Variants in ACSBG2 observed in about 807,000 individuals in gnomAD.
ACSBG2 encodes the protein acyl-CoA synthetase bubblegum family member 2.
In ACSBG2, 62 loss-of-function variants were observed where a neutral mutation model predicts 74.7. The ratio of observed to expected loss-of-function variants is 0.83; its 90% CI spans 0.68 to 1.03. The LOEUF (loss-of-function observed/expected upper bound fraction) is 1.03. Ranked by LOEUF, ACSBG2 falls within the 50% of genes least tolerant of loss-of-function variation. The pLI, the probability that ACSBG2 is intolerant of heterozygous loss-of-function variation, is 0.00. For synonymous variants in ACSBG2, 309 were observed against 294.1 expected (o/e 1.05, Z -0.52); for missense variants, 730 against 817.6 (o/e 0.89, Z 1.31).
chr19:6,155,475 T>C (rs1224839144), intron 4 of ACSBG2, among the ~76,000 whole-genome samples: 1 of 152,116 alleles, frequency 6.6e-6, no homozygotes, highest in Non-Finnish European at 1.5e-5. Context: ...TAAAAACTTC[T>C]GCTTATTAAA....
intron 8 of ACSBG2, among the ~76,000 whole-genome samples, chr19:6,178,851 A>G (rs2090162715): frequency 6.6e-6 from 1 of 152,216 alleles, no homozygotes; most frequent in African/African-American, 2.4e-5. Flanking sequence ...GGCTGGGGGA[A>G]AAAACAAGAA....
Position 6,151,777 on chromosome 19 carries a change from T to G in ACSBG2, c.368T>G (p.Val123Gly). 1 of 1,597,946 alleles carries G rather than the reference T, an allele frequency of 6.3e-7. No homozygotes were observed. Among genetic ancestry groups the G allele is most frequent in the Non-Finnish European group, 8.5e-7 (1 of 1,172,004 alleles). The change falls in exon 4 of 15, where the codon GTT becomes GGT. Residue 123 changes from valine (V) to glycine (G), a missense_variant. By Grantham distance (109) the Val-to-Gly change is moderately radical. Coordinates refer to ENST00000588485, the MANE Select transcript of ACSBG2 (RefSeq NM_030924.5). Reference sequence around the variant, plus strand: ...TCTGCAGAGTGGTTTATCACTGCTGTTGGTGCCATCCTAGCCGGGTAAGGT... The same window carrying G: ...TCTGCAGAGTGGTTTATCACTGCTGGTGGTGCCATCCTAGCCGGGTAAGGT... Reference protein sequence around the residue: ...FNSAEWFITAVGAILAGGLCV... With the variant: ...FNSAEWFITAGGAILAGGLCV...
chr19:6,166,355 C>T (rs889938234), intron 7 of ACSBG2, among the ~76,000 whole-genome samples: 5 of 142,646 alleles, frequency 3.5e-5, no homozygotes, highest in Non-Finnish European at 5.9e-5. Context: ...CTCCCTCTGT[C>T]GCCCAGGCTG....
chr19:6,156,821 G>T (rs55718357), intron 5 of ACSBG2, among the ~76,000 whole-genome samples: 3,894 of 144,640 alleles, frequency 0.027, 169 homozygotes, highest in African/African-American at 0.095. Flanking sequence ...GTCTCACTCT[G>T]TCCCCAGGCT....
chr19:6,190,419 T>C, intron 13 of ACSBG2, 165 bp from the exon 14 acceptor site: 1 of 590,592 alleles, frequency 1.7e-6, no homozygotes, highest in Non-Finnish European at 3.1e-6. Flanking sequence ...CATGGAAGTT[T>C]TATCATCCCC....
Position 6,168,830 on chromosome 19 carries a change from G to A in ACSBG2, c.738+2815G>A, listed in dbSNP as rs144898701. On this transcript the variant is annotated intron_variant, in intron 7 of 14. Coordinates refer to ENST00000588485, the MANE Select transcript of ACSBG2 (RefSeq NM_030924.5). ...GTCTTGCTCTGTCATCCAGGCTGGA[G>A]TACAGTGACACTATCGCGGCACACT... is the stretch of plus-strand genomic sequence containing the variant. 1.6e-3 allele frequency among the ~76,000 whole-genome samples: 236 copies of A among 152,140 alleles called. 2 individuals carry two copies. The highest frequency in any genetic ancestry group is 0.01 in the Middle Eastern group (3 of 294).
At chr19:6,190,471 C>T (rs569028540) in intron 13 of ACSBG2, 113 bp from the exon 14 acceptor site, 2 of 860,622 alleles carry the variant, frequency 2.3e-6, no homozygotes, top group Non-Finnish European at 3.9e-6. Flanking sequence ...GTCAATGGCA[C>T]AGCCAGCCAC....
At chr19:6,181,341 G>A (rs2090248475) in intron 8 of ACSBG2, among the ~76,000 whole-genome samples, 1 of 148,338 alleles carries the variant, frequency 6.7e-6, no homozygotes, top group Non-Finnish European at 1.5e-5. Context: ...AAAGAGGAAG[G>A]AAGGAAGGAA....
At chr19:6,139,907 T>C (rs551547469) in intron 1 of ACSBG2, among the ~76,000 whole-genome samples, 2 of 152,166 alleles carry the variant, frequency 1.3e-5, no homozygotes, top group South Asian at 4.2e-4. Flanking sequence ...GGAGAAACTC[T>C]GTCTCTACTA....
chr19:6,160,406 AAAG>A (rs1312044309), intron 5 of ACSBG2, among the ~76,000 whole-genome samples: 16 of 125,510 alleles, frequency 1.3e-4, no homozygotes, highest in African/African-American at 6.5e-4. Flanking sequence ...AAAAAAAAAG[AAAG>A]AAAGAAAAGA....
At chr19:6,141,460 C>G (rs10853992) in intron 1 of ACSBG2, 53 bp from the exon 2 acceptor site, 3 of 877,998 alleles carry the variant, frequency 3.4e-6, no homozygotes, top group East Asian at 4.9e-5. Flanking sequence ...TTGGCCTCAT[C>G]CCTACAGCCC....
At chr19:6,183,423 G>A (rs1409875259) in intron 10 of ACSBG2, 151 bp downstream of exon 10, 15 of 678,226 alleles carry the variant, frequency 2.2e-5, no homozygotes, top group African/African-American at 7.3e-5. Flanking sequence ...TCCTAACTCC[G>A]CATGACCGTG....
At chr19:6,162,839 T>C (rs956300484) in intron 6 of ACSBG2, among the ~76,000 whole-genome samples, 1 of 151,606 alleles carries the variant, frequency 6.6e-6, no homozygotes, top group Non-Finnish European at 1.5e-5. Context: ...CAACCAAAAG[T>C]GTCTCCAGAC....
intron 7 of ACSBG2, among the ~76,000 whole-genome samples, chr19:6,166,283 TGTG>T (rs2089803818): frequency 2.4e-5 from 1 of 41,936 alleles, no homozygotes; most frequent in Non-Finnish European, 6.0e-5. Context: ...AGGAAGGTTG[TGTG>T]TGTGTGTGTG....
At chr19:6,167,386 C>T (rs894534552) in intron 7 of ACSBG2, among the ~76,000 whole-genome samples, 2 of 152,188 alleles carry the variant, frequency 1.3e-5, no homozygotes, top group African/African-American at 2.4e-5. Context: ...GGAAGGTCAG[C>T]AATGGAAGAT....
At chr19:6,187,543 C>G (rs2090442840) in intron 12 of ACSBG2, 56 bp from the exon 13 acceptor site, 1 of 1,608,508 alleles carries the variant, frequency 6.2e-7, no homozygotes, top group Non-Finnish European at 8.5e-7. Context: ...GTCTGTGGGC[C>G]TGGGGAGGGG....
chr19:6,186,488 A>G (rs1031701221), intron 11 of ACSBG2, among the ~76,000 whole-genome samples: 2 of 152,238 alleles, frequency 1.3e-5, no homozygotes, highest in Non-Finnish European at 2.9e-5. Flanking sequence ...GTTTGCCAAA[A>G]TCTGATGGAG....
In ACSBG2 at chr19:6,166,005, G is replaced by A. The variant is rs1476458063; in HGVS notation, c.728G>A (p.Ser243Asn). The part of the protein sequence containing the change: ...TTGIPKGVML[S>N]HDNITWIAGA... ...GGCATACCCAAGGGAGTGATGCTCA[G>A]TCATGACAACGTACGCCAAAGTCCC... The change falls in exon 7 of 15, where the codon AGT becomes AAT. Residue 243 changes from serine (S) to asparagine (N), a missense_variant. Coordinates refer to ENST00000588485, the MANE Select transcript of ACSBG2 (RefSeq NM_030924.5). 6.2e-7 allele frequency: 1 copy of A among 1,613,918 alleles called. No homozygotes were observed. Among genetic ancestry groups the A allele is most frequent in the African/African-American group, 1.3e-5 (1 of 74,928 alleles).
intron 14 of ACSBG2, 146 bp downstream of exon 14, chr19:6,190,838 C>CACACACACAG: frequency 1.8e-6 from 1 of 563,494 alleles, no homozygotes; most frequent in East Asian, 3.1e-5. Context: ...CACACACACA[C>CACACACACAG]ACACACACAC....
Sources: allele counts gnomAD v4.1 joint callset (sites outside exome capture counted in the v4.1 genomes callset), GRCh38; gene constraint gnomAD v4.1.1; transcripts MANE v1.5; gene names NCBI Gene and HGNC (gene_info 2026-07-23, HGNC 2026-07-21).